Variants in ARMC10 observed in about 807,000 individuals in gnomAD.
ARMC10 encodes the protein armadillo repeat-containing protein 10.
ARMC10 carries 23 observed loss-of-function variants against 30.2 expected under a neutral mutation model. That is an observed-to-expected ratio of 0.76 (90% confidence interval 0.55 to 1.08). The LOEUF (loss-of-function observed/expected upper bound fraction) is 1.08. ARMC10 is among the 50% of genes least tolerant of loss of function. The probability of loss-of-function intolerance (pLI) is 0.00; values close to 1 mark genes in which losing one functional copy is unlikely to be tolerated. For synonymous variants in ARMC10, 111 were observed against 164.4 expected, an observed-to-expected ratio of 0.68 and a Z score of 2.48; for missense variants, 303 against 413.7, an observed-to-expected ratio of 0.73 and a Z score of 2.32.
intron 2 of ARMC10, among the ~76,000 whole-genome samples, chr7:103,078,479 T>G (rs541920971): frequency 3.3e-5 from 5 of 152,314 alleles, no homozygotes; most frequent in Admixed American, 1.3e-4. Flanking sequence ...AAGTGTTTGC[T>G]TCCCCTTCCA....
rs768727142 is a variant in ARMC10, at chr7:103,083,751, T to C, written c.314T>C (p.Leu105Pro). The change falls in exon 3 of 7, where the codon CTG becomes CCG. Residue 105 changes from leucine to proline, a missense_variant. By Grantham distance (98) the Leu-to-Pro change is moderately conservative. This residue lies in a region of ARMC10 where 170 missense variants were observed against 207.2 expected (regional missense o/e 0.82). Transcript: ENST00000323716. ...AEQLQKLLYL[L>P]ESTEDPVIIE... is the part of the protein sequence containing the mutation. ...CAACTTCAGAAACTCCTTTACCTGC[T>C]GGAGTCAACGGAGGATCCTGTAATT... 3.1e-6 allele frequency: 5 copies of C among 1,613,726 alleles called. No homozygotes were observed. Among genetic ancestry groups the C allele is most frequent in the Non-Finnish European group, 4.2e-6 (5 of 1,179,676 alleles).
chr7:103,080,545 G>A (rs563301121), intron 2 of ARMC10, among the ~76,000 whole-genome samples: 3 of 152,180 alleles, frequency 2.0e-5, no homozygotes, highest in South Asian at 4.2e-4. Context: ...GTGAGCCACC[G>A]TGCTGGGCCG....
At position 103,075,289 on chromosome 7, in the gene ARMC10, G is replaced by C. The variant is rs1371473391; in HGVS notation, c.17G>C (p.Gly6Ala). ...GGCGGCAGCATGGGTGGCCCCCGGGGCGCGGGCTGGGTGGCGGCGGGCCTG... is the reference window on the plus strand; with the variant it reads ...GGCGGCAGCATGGGTGGCCCCCGGGCCGCGGGCTGGGTGGCGGCGGGCCTG... MGGPR[G>A]AGWVAAGLLL... Residue 6 changes from glycine (G) to alanine (A), a missense_variant, in exon 1 of 7, where the codon GGC becomes GCC. Coordinates refer to ENST00000323716, the MANE Select transcript of ARMC10 (RefSeq NM_031905.5). 8.2e-7 allele frequency: 1 copy of C among 1,223,124 alleles called. No individual in the cohort carries two copies. Among genetic ancestry groups the C allele is most frequent in the African/African-American group, 1.6e-5 (1 of 63,892 alleles). 75.8% of individuals were successfully genotyped at this position (1,223,124 alleles called of 1,614,324 possible).
intron 2 of ARMC10, among the ~76,000 whole-genome samples, chr7:103,083,329 A>T (rs79665999): frequency 0.027 from 4,099 of 152,240 alleles, 203 homozygotes; most frequent in African/African-American, 0.093. Flanking sequence ...TAAAAATTTT[A>T]AAAAAACAGG....
chr7:103,095,870 T>G (rs1272542101), intron 5 of ARMC10: 1 of 136,888 alleles, frequency 7.3e-6, no homozygotes, highest in African/African-American at 2.8e-5. Context: ...CACTCATAGG[T>G]GGGAATTGAA....
In ARMC10 at chr7:103,077,709, T is replaced by A. The variant is rs532458032; in HGVS notation, c.244+1828T>A. Among the ~76,000 whole-genome samples, 519 of 152,336 alleles carry A rather than the reference T, an allele frequency of 3.4e-3. 4 individuals are homozygous for A. Among genetic ancestry groups the A allele is most frequent in the Non-Finnish European group, 5.8e-3 (397 of 68,028 alleles). The stretch of plus-strand genomic sequence containing the variant: ...TTCAAATCATAGCATTTACAAAGCC[T>A]AATTTGTTGTCTTTGCCCATGTCAG... On this transcript the variant is annotated intron_variant, in intron 2 of 6. Transcript: ENST00000323716.
chr7:103,097,242 C>A, intron 5 of ARMC10, 35 bp from the exon 6 acceptor site: 7 of 1,558,792 alleles, frequency 4.5e-6, no homozygotes, highest in Non-Finnish European at 6.2e-6. Context: ...TTCATGCTTG[C>A]CAGTCTGAGA....
intron 3 of ARMC10, 46 bp downstream of exon 3, chr7:103,083,876 C>G (rs1259752522): frequency 6.3e-7 from 1 of 1,598,596 alleles, no homozygotes; most frequent in Middle Eastern, 1.7e-4. Flanking sequence ...TTCTTACACA[C>G]TAGCGGTAAT....
chr7:103,083,916 C>A, intron 3 of ARMC10, 86 bp downstream of exon 3: 1 of 1,538,180 alleles, frequency 6.5e-7, no homozygotes, highest in Non-Finnish European at 8.9e-7. Flanking sequence ...CTTAACCTCT[C>A]AGACCCTCAA....
rs1802087306 is a variant in ARMC10 at position 103,099,591 on chromosome 7, T to TGTGTGTGTGTGTGTGTGTGTGTGTGTGG, written c.*1040_*1041insGTGTGTGTGTGTGTGTGTGTGTGTGGGT. On this transcript the variant is annotated 3_prime_UTR_variant, in exon 7 of 7. Coordinates refer to ENST00000323716, the MANE Select transcript of ARMC10 (RefSeq NM_031905.5). ...ATGGGATCCCGTGTGTGTGTGTGTG[T>TGTGTGTGTGTGTGTGTGTGTGTGTGTGG]GTTTGAATGAAAAATGCTTATGTAT... 8.7e-6 allele frequency: 1 copy of TGTGTGTGTGTGTGTGTGTGTGTGTGTGG among 114,446 alleles called. No individual in the cohort carries two copies. Among genetic ancestry groups the TGTGTGTGTGTGTGTGTGTGTGTGTGTGG allele is most frequent in the African/African-American group, 2.8e-5 (1 of 35,888 alleles). The allele number at this position is 114,446 out of a possible 1,614,324, so 7.1% of individuals were successfully genotyped here.
At chr7:103,078,602 A>G (rs1017673606) in intron 2 of ARMC10, among the ~76,000 whole-genome samples, 1 of 152,236 alleles carries the variant, frequency 6.6e-6, no homozygotes, top group African/African-American at 2.4e-5. Flanking sequence ...GCAGCATGAG[A>G]ATGGACTAAT....
intron 4 of ARMC10, 97 bp from the exon 5 acceptor site, chr7:103,092,380 C>A: frequency 1.5e-6 from 1 of 666,914 alleles, no homozygotes; most frequent in Non-Finnish European, 2.3e-6. Context: ...TCGGTTCCAT[C>A]CTGAGCAGTA....
intron 5 of ARMC10, among the ~76,000 whole-genome samples, chr7:103,095,240 C>G (rs755161208): frequency 6.6e-6 from 1 of 152,298 alleles, no homozygotes; most frequent in South Asian, 2.1e-4. Flanking sequence ...ACTTTGGTCA[C>G]ATGCCACCAC....
In ARMC10 at chr7:103,086,619, TC is replaced by T. The variant is rs752848262; in HGVS notation, c.394-7del. 5.2e-4 allele frequency: 825 copies of T among 1,572,704 alleles called. No homozygotes were observed. Among genetic ancestry groups the T allele is most frequent in the Non-Finnish European group, 6.5e-4 (759 of 1,168,282 alleles). Reference sequence around the variant, plus strand: ...CCCAGTCCTGCTTTTTTTTTTTTTTTCCCCTCGTAGGCTATTATTCGTGAAT... The same window carrying T: ...CCCAGTCCTGCTTTTTTTTTTTTTTTCCCTCGTAGGCTATTATTCGTGAAT... On this transcript the variant is annotated splice_polypyrimidine_tract_variant and intron_variant, in intron 3 of 6. Transcript: ENST00000323716.
At chr7:103,081,850 T>TTG (rs1243439795) in intron 2 of ARMC10, 1 of 456,370 alleles carries the variant, frequency 2.2e-6, no homozygotes, top group Non-Finnish European at 4.4e-6. Context: ...CTGGAGCCAG[T>TTG]TACAGTATTA....
chr7:103,083,608 AGAGT>A (rs755621888), intron 2 of ARMC10, 70 bp from the exon 3 acceptor site: 3 of 1,344,994 alleles, frequency 2.2e-6, no homozygotes, highest in South Asian at 1.3e-5. Context: ...CCTGGGTGAC[AGAGT>A]GAGAGCCTGT....
chr7:103,077,486 G>A (rs762039320), intron 2 of ARMC10, among the ~76,000 whole-genome samples: 1 of 152,104 alleles, frequency 6.6e-6, no homozygotes, highest in Non-Finnish European at 1.5e-5. Context: ...GCATCCCAAG[G>A]CCAGAGGGGC....
At chr7:103,081,868 C>A (rs767851197) in intron 2 of ARMC10, 9 of 456,616 alleles carry the variant, frequency 2.0e-5, no homozygotes, top group South Asian at 1.4e-4. Context: ...TTAAGCCAAC[C>A]CTTTTATTTG....
intron 3 of ARMC10, among the ~76,000 whole-genome samples, chr7:103,084,908 A>G (rs1009696922): frequency 6.6e-6 from 1 of 152,218 alleles, no homozygotes; most frequent in Admixed American, 6.5e-5. Context: ...TCGAGGGACC[A>G]TGGCCCATGT....
Sources: allele counts gnomAD v4.1 joint callset (sites outside exome capture counted in the v4.1 genomes callset), GRCh38; gene constraint gnomAD v4.1.1; regional missense constraint gnomAD v4.1.1; transcripts MANE v1.5; gene names NCBI Gene and HGNC (gene_info 2026-07-23, HGNC 2026-07-21).